Variants in CDK13 observed in about 807,000 individuals in gnomAD.
CDK13 encodes cyclin dependent kinase 13, also known as cyclin-dependent kinase 13.
A neutral mutation model predicts 137.6 loss-of-function variants in CDK13; 40 were observed. The ratio of observed to expected loss-of-function variants is 0.29; its 90% CI spans 0.23 to 0.38. CDK13 has a LOEUF of 0.38. Among genes scored for constraint, CDK13 ranks in the 10% least tolerant of loss-of-function variants. The pLI, the probability that CDK13 is intolerant of heterozygous loss-of-function variation, is 1.00. For synonymous variants in CDK13, 869 were observed against 760.1 expected (o/e 1.14, Z -2.36); for missense variants, 1,704 against 1,951.8 (o/e 0.87, Z 2.39).
chr7:40,014,058 CTTTTTTTTTT>C (rs927741062), intron 5 of CDK13, among the ~76,000 whole-genome samples: 9 of 60,936 alleles, frequency 1.5e-4, no homozygotes, highest in East Asian at 5.2e-4. Flanking sequence ...GCTGTCTTGT[CTTTTTTTTTT>C]TTTTTTTTTT....
intron 4 of CDK13, among the ~76,000 whole-genome samples, chr7:40,000,496 T>C (rs1293253449): frequency 2.0e-5 from 3 of 152,188 alleles, no homozygotes; most frequent in Non-Finnish European, 4.4e-5. Context: ...TGAGCCGAGA[T>C]TGGACCACTG....
At chr7:39,960,616 G>C (rs966300536) in intron 1 of CDK13, among the ~76,000 whole-genome samples, 3 of 151,606 alleles carry the variant, frequency 2.0e-5, no homozygotes, top group Admixed American at 6.6e-5. Context: ...TTGTCGCCCA[G>C]GCTGTAGTGC....
chr7:39,995,422 G>A (rs1210083880), intron 2 of CDK13, among the ~76,000 whole-genome samples: 2 of 151,996 alleles, frequency 1.3e-5, no homozygotes, highest in African/African-American at 4.8e-5. Flanking sequence ...TTTTCAGTTG[G>A]CATTCAGGTG....
intron 1 of CDK13, among the ~76,000 whole-genome samples, chr7:39,969,047 G>A (rs998048173): frequency 1.3e-5 from 2 of 152,106 alleles, no homozygotes; most frequent in South Asian, 2.1e-4. Context: ...ATGGAGCCTC[G>A]CTCTGTGGCT....
chr7:40,087,665 C>T (rs1055250464), intron 11 of CDK13, among the ~76,000 whole-genome samples: 9 of 151,142 alleles, frequency 6.0e-5, no homozygotes, highest in African/African-American at 2.2e-4. Context: ...TCTCCTGCCT[C>T]AGCCTCCTGA....
chr7:40,074,391 C>T (rs1786494492), intron 9 of CDK13, among the ~76,000 whole-genome samples: 1 of 151,902 alleles, frequency 6.6e-6, no homozygotes, highest in Admixed American at 6.6e-5. Context: ...GGTGTGGTGG[C>T]AGGTGCTTGT....
intron 5 of CDK13, among the ~76,000 whole-genome samples, chr7:40,015,483 A>G (rs773413): frequency 0.45 from 69,148 of 152,054 alleles, 17,781 homozygotes; most frequent in East Asian, 0.66. Flanking sequence ...TGGGGTAATA[A>G]TGACTAACTC....
Position 39,954,661 on chromosome 7 carries a change from T to C in CDK13, c.1211+2809T>C, listed in dbSNP as rs570019525. Among the ~76,000 whole-genome samples the C allele has an allele frequency of 1.1e-4, 16 of 152,278 alleles. No individual in the cohort carries two copies. In the East Asian group the frequency reaches 2.5e-3, roughly 24 times the overall value. ...CCATGTGTAATGCTGTAAGAAACAGTGTAATATTTCCCCAGCCTATGCAGA... is the reference window on the plus strand; with the variant it reads ...CCATGTGTAATGCTGTAAGAAACAGCGTAATATTTCCCCAGCCTATGCAGA... On this transcript the variant is annotated intron_variant, in intron 1 of 13. Transcript: ENST00000181839.
intron 3 of CDK13, 52 bp downstream of exon 3, chr7:39,997,716 T>C (rs1391111713): frequency 1.5e-6 from 2 of 1,356,342 alleles, no homozygotes; most frequent in East Asian, 2.3e-5. Flanking sequence ...TGATTCTGGG[T>C]CATCAGAAGT....
intron 1 of CDK13, among the ~76,000 whole-genome samples, chr7:39,965,043 AG>A (rs902995760): frequency 6.6e-6 from 1 of 152,154 alleles, no homozygotes; most frequent in African/African-American, 2.4e-5. Flanking sequence ...TTTACTTCCA[AG>A]TATGTGGTCA....
chr7:39,981,264 G>C (rs1351069942), intron 1 of CDK13, among the ~76,000 whole-genome samples: 1 of 151,922 alleles, frequency 6.6e-6, no homozygotes, highest in Non-Finnish European at 1.5e-5. Context: ...GCTACTTTTG[G>C]GGGGTGGAGG....
intron 1 of CDK13, chr7:39,952,643 T>C (rs978632097): frequency 6.6e-6 from 1 of 152,208 alleles, no homozygotes; most frequent in Non-Finnish European, 1.5e-5. Flanking sequence ...AGTACATTCT[T>C]ATACTATTAT....
In CDK13 at chr7:39,957,090, C is replaced by CGTGTGTGTGTGTGT. The variant is rs70996865; in HGVS notation, c.1211+5267_1211+5280dup. Among the ~76,000 whole-genome samples the CGTGTGTGTGTGTGT allele has an allele frequency of 6.9e-4, 98 of 141,010 alleles. 1 individual carries two copies. The highest frequency in any genetic ancestry group is 2.3e-3 in the Admixed American group (32 of 14,040). The allele number at this position is 141,010 out of a possible 152,430, so 92.5% of individuals were successfully genotyped here. On this transcript the variant is annotated intron_variant, in intron 1 of 13. Coordinates refer to ENST00000181839, the MANE Select transcript of CDK13 (RefSeq NM_003718.5). ...AAACTCAGCTCAAAAATCCCACTGTCGTGTGTGTGTGTGTGTGTGTGTGTG... is the reference window on the plus strand; with the variant it reads ...AAACTCAGCTCAAAAATCCCACTGTCGTGTGTGTGTGTGTGTGTGTGTGTGTGTGTGTGTGTGTG...
At chr7:40,040,116 A>G (rs1432329593) in intron 5 of CDK13, among the ~76,000 whole-genome samples, 2 of 151,794 alleles carry the variant, frequency 1.3e-5, no homozygotes, top group East Asian at 3.9e-4. Flanking sequence ...GATTCAAGCG[A>G]TTCTCCTGCC....
At chr7:39,989,784 C>CCT (rs1784419678) in intron 2 of CDK13, among the ~76,000 whole-genome samples, 1 of 138,952 alleles carries the variant, frequency 7.2e-6, no homozygotes, top group African/African-American at 2.6e-5. Flanking sequence ...CTACTTTATC[C>CCT]TTTTTTTTTT....
At chr7:39,966,113 G>A (rs1354621124) in intron 1 of CDK13, among the ~76,000 whole-genome samples, 1 of 152,004 alleles carries the variant, frequency 6.6e-6, no homozygotes, top group South Asian at 2.1e-4. Context: ...AGCTCTTCTC[G>A]AGGAGCATCT....
At chr7:40,023,619 CCTTCAGAGTGGCTGGGACTGCAGGCG>C (rs1785176337) in intron 5 of CDK13, among the ~76,000 whole-genome samples, 1 of 152,010 alleles carries the variant, frequency 6.6e-6, no homozygotes, top group Non-Finnish European at 1.5e-5. Flanking sequence ...CCTGCCTCAG[CCTTCAGAGTGGCTGGGACTGCAGGCG>C]CCCGCCACCA....
At chr7:40,008,429 A>G (rs926048142) in intron 5 of CDK13, among the ~76,000 whole-genome samples, 3 of 152,230 alleles carry the variant, frequency 2.0e-5, no homozygotes, top group African/African-American at 7.2e-5. Context: ...GACTCAACCT[A>G]GTTTCTGGAA....
rs1257699 is a variant in CDK13, at chr7:39,988,473, G to A, written c.1871+215G>A. On this transcript the variant is annotated intron_variant, in intron 2 of 13. Transcript: ENST00000181839. Reference sequence around the variant, plus strand: ...ATACTAAGACATTCAGGGAAAAATTGCCATTGTCTTGGGATACAATGAATA... The same window carrying A: ...ATACTAAGACATTCAGGGAAAAATTACCATTGTCTTGGGATACAATGAATA... Among the ~76,000 whole-genome samples, 68,245 of 151,638 alleles carry A rather than the reference G, an allele frequency of 0.45. 17,482 individuals are homozygous for A. Among genetic ancestry groups the A allele is most frequent in the East Asian group, 0.63 (3,231 of 5,132 alleles).
Sources: gnomAD v4.1 joint callset for allele counts (sites outside exome capture counted in the v4.1 genomes callset) on GRCh38, gnomAD v4.1.1 for gene constraint, MANE v1.5 for transcripts, NCBI Gene and HGNC (gene_info 2026-07-23, HGNC 2026-07-21) for gene names.